Variants in SGIP1 observed in about 807,000 individuals in gnomAD.
The protein encoded by SGIP1 is SH3GL interacting endocytic adaptor 1.
SGIP1 carries 38 observed loss-of-function variants against 107.5 expected under a neutral mutation model. The observed-to-expected ratio is 0.35, with a 90% CI of 0.27 to 0.46. The LOEUF (loss-of-function observed/expected upper bound fraction) is 0.46. SGIP1 is among the 20% of genes least tolerant of loss of function. The probability of loss-of-function intolerance (pLI) is 1.00; values close to 1 mark genes in which losing one functional copy is unlikely to be tolerated. For synonymous variants in SGIP1, 365 were observed against 366.1 expected (o/e 1.00, Z 0.03); for missense variants, 929 against 1,019.5 (o/e 0.91, Z 1.21).
At chr1:66,623,500 C>T (rs937452079) in intron 1 of SGIP1, among the ~76,000 whole-genome samples, 2 of 152,216 alleles carry the variant, frequency 1.3e-5, no homozygotes, top group East Asian at 1.9e-4. Context: ...ATCCACCCGC[C>T]TCAGCCTCCC....
chr1:66,667,764 T>C (rs1015382495), intron 9 of SGIP1, among the ~76,000 whole-genome samples: 1 of 152,120 alleles, frequency 6.6e-6, no homozygotes, highest in Non-Finnish European at 1.5e-5. Flanking sequence ...TAGATGGGAA[T>C]CCCAACTCCT....
At chr1:66,710,730 T>G (rs2092858254) in intron 18 of SGIP1, among the ~76,000 whole-genome samples, 1 of 152,144 alleles carries the variant, frequency 6.6e-6, no homozygotes, top group African/African-American at 2.4e-5. Context: ...AGGAAGGATA[T>G]AGGATTCCAT....
At chr1:66,638,233 A>G (rs532156803) in intron 4 of SGIP1, among the ~76,000 whole-genome samples, 46 of 152,312 alleles carry the variant, frequency 3.0e-4, no homozygotes, top group African/African-American at 1.1e-3. Context: ...ATAAAGAGAA[A>G]ATAGGAGCCC....
intron 18 of SGIP1, among the ~76,000 whole-genome samples, chr1:66,703,589 T>C (rs1356835930): frequency 1.3e-5 from 2 of 151,514 alleles, no homozygotes; most frequent in Non-Finnish European, 1.5e-5. Flanking sequence ...ATATCATATA[T>C]ATGATATGAT....
At chr1:66,646,171 A>C (rs150041031) in intron 7 of SGIP1, among the ~76,000 whole-genome samples, 8 of 152,256 alleles carry the variant, frequency 5.3e-5, no homozygotes, top group Non-Finnish European at 1.0e-4. Context: ...TGACATATGC[A>C]GCACTTCCTC....
At chr1:66,607,117 A>G (rs2066992492) in intron 1 of SGIP1, among the ~76,000 whole-genome samples, 1 of 152,228 alleles carries the variant, frequency 6.6e-6, no homozygotes, top group Non-Finnish European at 1.5e-5. Flanking sequence ...ATTCTCAATA[A>G]CAGAATTCGA....
intron 21 of SGIP1, among the ~76,000 whole-genome samples, chr1:66,736,679 A>G (rs564675947): frequency 4.0e-5 from 6 of 150,726 alleles, no homozygotes; most frequent in Non-Finnish European, 8.9e-5. Flanking sequence ...TCATTATTAA[A>G]TATACATATA....
At chr1:66,726,442 G>T (rs907343640) in intron 19 of SGIP1, among the ~76,000 whole-genome samples, 6 of 152,064 alleles carry the variant, frequency 3.9e-5, no homozygotes, top group Non-Finnish European at 7.4e-5. Flanking sequence ...CTATGAAAAG[G>T]AACAAAGTTA....
intron 7 of SGIP1, among the ~76,000 whole-genome samples, chr1:66,650,389 ATGTTGAGCACCTTCCATG>A (rs1223137954): frequency 2.0e-5 from 3 of 152,178 alleles, no homozygotes; most frequent in African/African-American, 7.2e-5. Flanking sequence ...CACAAAATAT[ATGTTGAGCACCTTCCATG>A]TAGCAGGCAC....
intron 1 of SGIP1, among the ~76,000 whole-genome samples, chr1:66,561,140 C>A (rs1023652947): frequency 4.6e-5 from 7 of 152,066 alleles, no homozygotes; most frequent in South Asian, 2.1e-4. Flanking sequence ...ACCCAACAGG[C>A]ATTGTCTCAT....
intron 1 of SGIP1, among the ~76,000 whole-genome samples, chr1:66,608,938 GT>G (rs1401037724): frequency 6.9e-6 from 1 of 144,098 alleles, no homozygotes; most frequent in Non-Finnish European, 1.5e-5. Context: ...TTTAGTCGAG[GT>G]TTTTTTTCTC....
chr1:66,587,374 C>G (rs560384439), intron 1 of SGIP1, among the ~76,000 whole-genome samples: 2 of 146,970 alleles, frequency 1.4e-5, no homozygotes, highest in African/African-American at 5.0e-5. Flanking sequence ...TTTTTTTTTT[C>G]TCAGTCTATT....
intron 20 of SGIP1, among the ~76,000 whole-genome samples, chr1:66,729,993 G>A (rs911086447): frequency 6.6e-6 from 1 of 152,010 alleles, no homozygotes; most frequent in Non-Finnish European, 1.5e-5. Flanking sequence ...GTAGAGATGG[G>A]GTTTCGCCAT....
At chr1:66,570,746 A>C (rs987337166) in intron 1 of SGIP1, among the ~76,000 whole-genome samples, 1 of 151,878 alleles carries the variant, frequency 6.6e-6, no homozygotes, top group Non-Finnish European at 1.5e-5. Flanking sequence ...TGTCCTCATC[A>C]CTTGCTCACC....
At chr1:66,586,386 G>A (rs530567295) in intron 1 of SGIP1, among the ~76,000 whole-genome samples, 40 of 152,084 alleles carry the variant, frequency 2.6e-4, no homozygotes, top group African/African-American at 9.4e-4. Flanking sequence ...TTTCTTTTCT[G>A]TTTCCTCATT....
At chr1:66,574,892 C>T (rs1347830236) in intron 1 of SGIP1, among the ~76,000 whole-genome samples, 1 of 152,148 alleles carries the variant, frequency 6.6e-6, no homozygotes, top group Non-Finnish European at 1.5e-5. Context: ...TTATGTCCCT[C>T]TGATATTTTG....
chr1:66,533,981 G>A (rs769742166), upstream of SGIP1, among the ~76,000 whole-genome samples: 4 of 151,770 alleles, frequency 2.6e-5, no homozygotes, highest in Non-Finnish European at 4.4e-5. Context: ...GGAGGCGATG[G>A]GGGTGGAGGG....
chr1:66,634,896 C>G (rs1486401360), intron 3 of SGIP1, among the ~76,000 whole-genome samples: 1 of 152,182 alleles, frequency 6.6e-6, no homozygotes, highest in Non-Finnish European at 1.5e-5. Context: ...TTTCTGTCTG[C>G]ATTCAGTTCT....
chr1:66,684,611 C>G (rs2087745237), intron 15 of SGIP1, among the ~76,000 whole-genome samples: 1 of 152,188 alleles, frequency 6.6e-6, no homozygotes, highest in Non-Finnish European at 1.5e-5. Context: ...CACTTCCCTC[C>G]AAGGGTAGGC....
Sources: allele counts gnomAD v4.1 joint callset (sites outside exome capture counted in the v4.1 genomes callset), GRCh38; gene constraint gnomAD v4.1.1; transcripts MANE v1.5; gene names NCBI Gene and HGNC (gene_info 2026-07-23, HGNC 2026-07-21).